LSM12: variants seen among roughly 807,000 people sequenced by gnomAD.
The protein encoded by LSM12 is LSM12 homolog, also known as protein LSM12.
For synonymous variants in LSM12, 74 were observed against 87.3 expected (o/e 0.85, Z 0.85); for missense variants, 108 against 238.9 (o/e 0.45, Z 3.61).
At chr17:44,066,336 C>T (rs1597901427) in intron 1 of LSM12, 128 bp downstream of exon 1, 2 of 1,270,600 alleles carry the variant, frequency 1.6e-6, no homozygotes, top group East Asian at 3.2e-5. Flanking sequence ...GCGCATGCGC[C>T]CCGGGCGCCG....
chr17:44,034,340 G>C lies in LSM12; in HGVS notation c.*1868C>G, dbSNP rs973892919. Among the ~76,000 whole-genome samples the C allele has an allele frequency of 2.6e-5, 4 of 152,278 alleles. No individual in the cohort carries two copies. Among genetic ancestry groups the C allele is most frequent in the Middle Eastern group, 3.4e-3 (1 of 294 alleles). On this transcript the variant is annotated 3_prime_UTR_variant, in exon 5 of 5. Transcript: ENST00000293406. Reference sequence around the variant, plus strand: ...GTTCAGACCAGTGGCAGGTGGATCTGAAAGTTTACTTCTCAGCTCGCCGAC... The same window carrying C: ...GTTCAGACCAGTGGCAGGTGGATCTCAAAGTTTACTTCTCAGCTCGCCGAC...
intron 3 of LSM12, among the ~76,000 whole-genome samples, chr17:44,038,433 CG>C (rs1444265221): frequency 1.3e-5 from 2 of 150,996 alleles, no homozygotes; most frequent in Non-Finnish European, 2.9e-5. Context: ...CCGAAGTGGG[CG>C]GATCATGAGG....
intron 2 of LSM12, among the ~76,000 whole-genome samples, chr17:44,045,936 C>CTTTTT (rs67446547): frequency 8.2e-6 from 1 of 122,580 alleles, no homozygotes. Context: ...AAATATTTTA[C>CTTTTT]TTTTTTTTTT....
chr17:44,039,473 C>T (rs907907859), intron 3 of LSM12, among the ~76,000 whole-genome samples: 1 of 149,836 alleles, frequency 6.7e-6, no homozygotes, highest in African/African-American at 2.5e-5. Flanking sequence ...GCTCCGCCTC[C>T]CGGGTTCACG....
At chr17:44,041,285 AAACAAACACAC>A (rs1426212079) in intron 2 of LSM12, among the ~76,000 whole-genome samples, 47 of 104,332 alleles carry the variant, frequency 4.5e-4, no homozygotes, top group African/African-American at 1.5e-3. Context: ...AAAAAAAAAA[AAACAAACACAC>A]ACACACACAC....
chr17:44,036,773 G>A (rs1039460189), intron 4 of LSM12: 15 of 165,574 alleles, frequency 9.1e-5, no homozygotes, highest in African/African-American at 1.9e-4. Flanking sequence ...AGACACCGAC[G>A]GCAACTGATT....
In LSM12 at chr17:44,062,200, C is replaced by T. The variant is rs190207254; in HGVS notation, c.258+1601G>A. Reference sequence around the variant, plus strand: ...TGGCGCCACTGCACTCCAGCCTGGGCGACAAAGCGAGACTCCGTCTCAAAA... The same window carrying T: ...TGGCGCCACTGCACTCCAGCCTGGGTGACAAAGCGAGACTCCGTCTCAAAA... On this transcript the variant is annotated intron_variant, in intron 2 of 4. Coordinates refer to ENST00000293406, the MANE Select transcript of LSM12 (RefSeq NM_001371445.1). Among the ~76,000 whole-genome samples, 62 of 125,118 alleles carry T rather than the reference C, an allele frequency of 5.0e-4. 1 individual carries two copies. In the East Asian group the frequency reaches 0.013, roughly 27 times the overall value. 82.1% of individuals were successfully genotyped at this position (125,118 alleles called of 152,430 possible). A position where few individuals can be genotyped will look rare whatever the true frequency, so the allele number is the denominator to read the frequency against.
intron 2 of LSM12, among the ~76,000 whole-genome samples, chr17:44,051,463 G>C (rs965999897): frequency 6.6e-6 from 1 of 151,666 alleles, no homozygotes; most frequent in Non-Finnish European, 1.5e-5. Flanking sequence ...CTTCTCGGGA[G>C]CCTAGCTTGT....
chr17:44,050,945 C>A (rs1295017075), intron 2 of LSM12, among the ~76,000 whole-genome samples: 2 of 152,108 alleles, frequency 1.3e-5, no homozygotes, highest in Non-Finnish European at 2.9e-5. Flanking sequence ...CCAGCCTGGG[C>A]AACATGGCAA....
chr17:44,046,125 C>G (rs1192451746), intron 2 of LSM12, among the ~76,000 whole-genome samples: 3 of 151,076 alleles, frequency 2.0e-5, no homozygotes, highest in African/African-American at 7.3e-5. Flanking sequence ...TTAGTAGAGA[C>G]AGGGTTTCAC....
intron 2 of LSM12, among the ~76,000 whole-genome samples, chr17:44,044,573 G>A (rs944098802): frequency 6.6e-6 from 1 of 152,174 alleles, no homozygotes; most frequent in African/African-American, 2.4e-5. Flanking sequence ...TAGGGATCCG[G>A]ACTCAGCTAC....
rs374959246 is a variant in LSM12, at chr17:44,045,831, C to T, written c.259-5575G>A. 1.7e-3 allele frequency among the ~76,000 whole-genome samples: 260 copies of T among 152,060 alleles called. 3 individuals are homozygous for T. Among genetic ancestry groups the T allele is most frequent in the African/African-American group, 6.1e-3 (254 of 41,460 alleles). ...CAAACGATCCACCCACCTTGGCCTC[C>T]TAAGGTGCTGGGATTACAGGCATGA... is the stretch of plus-strand genomic sequence containing the variant. On this transcript the variant is annotated intron_variant, in intron 2 of 4. Transcript: ENST00000293406.
At chr17:44,044,435 T>C (rs191954874) in intron 2 of LSM12, among the ~76,000 whole-genome samples, 3 of 151,860 alleles carry the variant, frequency 2.0e-5, no homozygotes, top group Admixed American at 2.0e-4. Flanking sequence ...TCTATTTCAA[T>C]TCTAATGCAA....
At chr17:44,053,104 T>G (rs1384637779) in intron 2 of LSM12, among the ~76,000 whole-genome samples, 1 of 152,062 alleles carries the variant, frequency 6.6e-6, no homozygotes, top group Non-Finnish European at 1.5e-5. Context: ...TCTGAATAAT[T>G]GCCATTTATT....
chr17:44,044,744 C>T (rs1199861471), intron 2 of LSM12, among the ~76,000 whole-genome samples: 1 of 152,148 alleles, frequency 6.6e-6, no homozygotes, highest in Non-Finnish European at 1.5e-5. Context: ...AGGAGATTAC[C>T]TTGCCCTTTT....
At chr17:44,055,119 G>C (rs2049694207) in intron 2 of LSM12, among the ~76,000 whole-genome samples, 1 of 151,936 alleles carries the variant, frequency 6.6e-6, no homozygotes, top group African/African-American at 2.4e-5. Context: ...CAAAGTGCTG[G>C]GATTACAGGT....
intron 2 of LSM12, among the ~76,000 whole-genome samples, chr17:44,061,835 C>T (rs1022077376): frequency 6.6e-6 from 1 of 152,184 alleles, no homozygotes; most frequent in Non-Finnish European, 1.5e-5. Context: ...TTATTAAATA[C>T]TCTGTGCAAG....
At chr17:44,064,767 A>T (rs2049847666) in intron 1 of LSM12, among the ~76,000 whole-genome samples, 1 of 152,066 alleles carries the variant, frequency 6.6e-6, no homozygotes. Context: ...CCTAGTTACA[A>T]GACCCTTCCA....
Position 44,040,235 on chromosome 17 carries a change from C to T in LSM12, c.280G>A (p.Glu94Lys), listed in dbSNP as rs1406788210. 6.2e-7 allele frequency: 1 copy of T among 1,613,986 alleles called. No homozygotes were observed. The highest frequency in any genetic ancestry group is 8.5e-7 in the Non-Finnish European group (1 of 1,179,902). ...GCCTGGCTCAGCTTCTCCTCCTTCT[C>T]TGTCCGTGCTTTGCTGGCAAGCTAG... Reference protein sequence around the residue: ...VSKLASKARTEKEEKLSQAYA... With the variant: ...VSKLASKARTKKEEKLSQAYA... The change falls in exon 3 of 5, where the codon GAG (glutamate) becomes AAG (lysine). Residue 94 changes from glutamate to lysine, a missense_variant. Physicochemically the swap from Glu to Lys is moderately conservative, Grantham distance 56 (BLOSUM62 1). Coordinates refer to ENST00000293406, the MANE Select transcript of LSM12 (RefSeq NM_001371445.1).
Sources: gnomAD v4.1 joint callset for allele counts (sites outside exome capture counted in the v4.1 genomes callset) on GRCh38, gnomAD v4.1.1 for gene constraint, MANE v1.5 for transcripts, NCBI Gene and HGNC (gene_info 2026-07-23, HGNC 2026-07-21) for gene names.